Variants in FUNDC2 observed in about 807,000 individuals in gnomAD.
FUNDC2 encodes FUN14 domain-containing protein 2.
A neutral mutation model predicts 15.6 loss-of-function variants in FUNDC2; 4 were observed. The ratio of observed to expected loss-of-function variants is 0.26; its 90% CI spans 0.13 to 0.59. FUNDC2 has a LOEUF of 0.59. Among genes scored for constraint, FUNDC2 ranks in the 20% least tolerant of loss-of-function variants. The pLI, the probability that FUNDC2 is intolerant of heterozygous loss-of-function variation, is 0.90. For synonymous variants in FUNDC2, 44 were observed against 56.9 expected, an observed-to-expected ratio of 0.77 and a Z score of 1.02; for missense variants, 98 against 149.7, an observed-to-expected ratio of 0.65 and a Z score of 1.80.
At chrX:155,049,267 T>G (rs7881117) in intron 3 of FUNDC2, 4 of 112,869 alleles carry the variant, frequency 3.5e-5, no homozygotes, top group African/African-American at 1.3e-4. Context: ...GCTTTGCCCC[T>G]GCAGTGCAGT....
At position 155,056,242 on chromosome X, in the gene FUNDC2, A is replaced by G. The variant is rs900162119; in HGVS notation, c.*1570A>G. ...ACTCACTCACAACAATCATCAAATT[A>G]TAGCTCTGCTGGTTTTTACCAGTTA... On this transcript the variant is annotated 3_prime_UTR_variant, in exon 5 of 5. Transcript: ENST00000369498. 4.5e-5 allele frequency: 5 copies of G among 112,227 alleles called. No individual in the cohort carries two copies. The highest frequency in any genetic ancestry group is 9.4e-5 in the Non-Finnish European group (5 of 53,249). 9.2% of individuals were successfully genotyped at this position (112,227 alleles called of 1,213,427 possible).
chrX:155,040,875 T>C (rs1197549197), intron 2 of FUNDC2, among the ~76,000 whole-genome samples: 1 of 111,813 alleles, frequency 8.9e-6, no homozygotes, highest in African/African-American at 3.2e-5. Flanking sequence ...TTTTTGTTAT[T>C]GAGTTGTAAG....
chrX:155,037,133 T>C (rs1395885517), intron 2 of FUNDC2, among the ~76,000 whole-genome samples: 2 of 112,068 alleles, frequency 1.8e-5, no homozygotes, highest in Non-Finnish European at 3.8e-5. Flanking sequence ...TTATATCAGA[T>C]TTATTCCTAA....
chrX:155,046,492 T>C lies in FUNDC2; in HGVS notation c.285-17T>C, dbSNP rs782485452. The stretch of plus-strand genomic sequence containing the variant: ...TGACAGCTCATCAATTTGTCTGATG[T>C]TGGTTTGTTTTTGTAGGTGCACAGG... On this transcript the variant is annotated splice_polypyrimidine_tract_variant and intron_variant, in intron 2 of 4. Transcript: ENST00000369498. 1.2e-5 allele frequency: 14 copies of C among 1,191,019 alleles called. No individual in the cohort carries two copies. The highest frequency in any genetic ancestry group is 5.0e-4 in the Middle Eastern group (2 of 3,990).
In FUNDC2 at chrX:155,044,946, T is replaced by G. The variant is rs781984332; in HGVS notation, c.285-1563T>G. 1.6e-4 allele frequency among the ~76,000 whole-genome samples: 18 copies of G among 112,127 alleles called. No homozygotes were observed. In the South Asian group the frequency reaches 6.7e-3, roughly 42 times the overall value. Reference sequence around the variant, plus strand: ...CAGCATTAATTTATAGTAGCCAAGATATGGAAACATCCTAAGTGTCCATCA... The same window carrying G: ...CAGCATTAATTTATAGTAGCCAAGAGATGGAAACATCCTAAGTGTCCATCA... On this transcript the variant is annotated intron_variant, in intron 2 of 4. Transcript: ENST00000369498.
rs2073907966 is a variant in FUNDC2 at position 155,057,070 on chromosome X, G to T, written c.*2398G>T. 1.0e-5 allele frequency: 1 copy of T among 99,484 alleles called. No homozygotes were observed. The highest frequency in any genetic ancestry group is 2.2e-5 in the Non-Finnish European group (1 of 45,072). 8.2% of individuals were successfully genotyped at this position (99,484 alleles called of 1,213,427 possible). A position where few individuals can be genotyped will look rare whatever the true frequency, so the allele number is the denominator to read the frequency against. ...TAGTATGAGAACGGCTGTGAGTTCT[G>T]CCCACGGTGTGAGGCCACTGTGACC... On this transcript the variant is annotated 3_prime_UTR_variant, in exon 5 of 5. Transcript: ENST00000369498.
At chrX:155,050,497 G>T (rs782036705) in intron 3 of FUNDC2, 1 of 112,011 alleles carries the variant, frequency 8.9e-6, no homozygotes, top group Non-Finnish European at 1.9e-5. Flanking sequence ...GGGATAAACA[G>T]GGTGGAGTAA....
Position 155,054,940 on chromosome X carries a change from C to G in FUNDC2, c.*268C>G, listed in dbSNP as rs1474920612. The G allele has an allele frequency of 1.9e-5, 7 of 378,330 alleles. No homozygotes were observed. The highest frequency in any genetic ancestry group is 1.8e-4 in the African/African-American group (7 of 39,481). 31.2% of individuals were successfully genotyped at this position (378,330 alleles called of 1,213,427 possible). A position where few individuals can be genotyped will look rare whatever the true frequency, so the allele number is the denominator to read the frequency against. Reference sequence around the variant, plus strand: ...AGGCCAACAAGAAGGTTCCTTTACCCCCATGCAAGACACTTATGAGAACAC... The same window carrying G: ...AGGCCAACAAGAAGGTTCCTTTACCGCCATGCAAGACACTTATGAGAACAC... On this transcript the variant is annotated 3_prime_UTR_variant, in exon 5 of 5. Coordinates refer to ENST00000369498, the MANE Select transcript of FUNDC2 (RefSeq NM_023934.4).
At chrX:155,034,897 A>G (rs1360551587) in intron 2 of FUNDC2, among the ~76,000 whole-genome samples, 3 of 111,135 alleles carry the variant, frequency 2.7e-5, no homozygotes, top group Middle Eastern at 4.6e-3. Flanking sequence ...TTTTCCTCTG[A>G]AGTTGTCATT....
In FUNDC2 at chrX:155,057,041, C is replaced by G. The variant is rs1316834865; in HGVS notation, c.*2369C>G. On this transcript the variant is annotated 3_prime_UTR_variant, in exon 5 of 5. Transcript: ENST00000369498. ...GTCAGTATTGCAGGTTGGCCTCATC[C>G]TGCTAGTATGAGAACGGCTGTGAGT... 1 of 95,433 alleles carries G rather than the reference C, an allele frequency of 1.0e-5. No individual in the cohort carries two copies. The highest frequency in any genetic ancestry group is 2.2e-5 in the Non-Finnish European group (1 of 44,571). 7.9% of individuals were successfully genotyped at this position (95,433 alleles called of 1,213,427 possible).
intron 2 of FUNDC2, among the ~76,000 whole-genome samples, chrX:155,040,301 A>G (rs1455551088): frequency 8.9e-6 from 1 of 111,825 alleles, no homozygotes; most frequent in African/African-American, 3.3e-5. Context: ...ATCACCTCCA[A>G]ATAAAACTGA....
intron 2 of FUNDC2, among the ~76,000 whole-genome samples, chrX:155,044,578 C>G (rs919158449): frequency 8.9e-6 from 1 of 112,004 alleles, no homozygotes; most frequent in Non-Finnish European, 1.9e-5. Context: ...CCAAAGAAGG[C>G]ATAGAAATGG....
intron 4 of FUNDC2, 53 bp from the exon 5 acceptor site, chrX:155,054,542 A>G (rs2073888070): frequency 1.7e-6 from 2 of 1,205,664 alleles, no homozygotes; most frequent in East Asian, 5.9e-5. Flanking sequence ...ATGATTCTTA[A>G]TATTATTAAC....
rs782426702 is a variant in FUNDC2, at chrX:155,057,055, ACGG to A, written c.*2385_*2387del. 2,854 of 101,847 alleles carry A rather than the reference ACGG, an allele frequency of 0.028. 68 individuals are homozygous for A. Among genetic ancestry groups the A allele is most frequent in the Non-Finnish European group, 0.046 (2,237 of 48,981 alleles). 8.4% of individuals were successfully genotyped at this position (101,847 alleles called of 1,213,427 possible). A position where few individuals can be genotyped will look rare whatever the true frequency, so the allele number is the denominator to read the frequency against. ...TTGGCCTCATCCTGCTAGTATGAGAACGGCTGTGAGTTCTGCCCACGGTGTGAG... is the reference window on the plus strand; with the variant it reads ...TTGGCCTCATCCTGCTAGTATGAGAACTGTGAGTTCTGCCCACGGTGTGAG... On this transcript the variant is annotated 3_prime_UTR_variant, in exon 5 of 5. Transcript: ENST00000369498.
chrX:155,049,691 T>C (rs939696644), intron 3 of FUNDC2: 14 of 112,395 alleles, frequency 1.2e-4, no homozygotes, highest in African/African-American at 4.5e-4. Context: ...CTGGGCATCA[T>C]TTCTGTGTTG....
Position 155,060,242 on chromosome X carries a change from A to G in FUNDC2, c.*5570A>G, listed in dbSNP as rs2073922190. ...AATGTAAATCCTAGTACAACTGTCAACTGATAATTTTAAATGTAATTTAGA... is the reference window on the plus strand; with the variant it reads ...AATGTAAATCCTAGTACAACTGTCAGCTGATAATTTTAAATGTAATTTAGA... On this transcript the variant is annotated 3_prime_UTR_variant, in exon 5 of 5. Coordinates refer to ENST00000369498, the MANE Select transcript of FUNDC2 (RefSeq NM_023934.4). 1 of 112,413 alleles carries G rather than the reference A, an allele frequency of 8.9e-6. No homozygotes were observed. Among genetic ancestry groups the G allele is most frequent in the Non-Finnish European group, 1.9e-5 (1 of 53,319 alleles). The allele number at this position is 112,413 out of a possible 1,213,427, so 9.3% of individuals were successfully genotyped here. A position where few individuals can be genotyped will look rare whatever the true frequency, so the allele number is the denominator to read the frequency against.
At chrX:155,041,992 C>T (rs1258661945) in intron 2 of FUNDC2, among the ~76,000 whole-genome samples, 1 of 103,764 alleles carries the variant, frequency 9.6e-6, no homozygotes, top group Non-Finnish European at 2.0e-5. Context: ...TGGCGTGAAC[C>T]CGGGAGGCAG....
At chrX:155,030,012 ATTATT>A (rs1160657585) in intron 1 of FUNDC2, among the ~76,000 whole-genome samples, 9 of 111,013 alleles carry the variant, frequency 8.1e-5, no homozygotes, top group African/African-American at 2.6e-4. Context: ...TGCAATTAAA[ATTATT>A]TTGTTTTCCA....
intron 2 of FUNDC2, among the ~76,000 whole-genome samples, chrX:155,039,373 A>G (rs912493854): frequency 2.7e-5 from 3 of 111,735 alleles, no homozygotes; most frequent in Non-Finnish European, 5.7e-5. Flanking sequence ...CCATTTGTCT[A>G]TTTTTGCCTT....
Sources: allele counts gnomAD v4.1 joint callset (sites outside exome capture counted in the v4.1 genomes callset), GRCh38; gene constraint gnomAD v4.1.1; transcripts MANE v1.5; gene names NCBI Gene and HGNC (gene_info 2026-07-23, HGNC 2026-07-21).